PSME4: variants seen among roughly 807,000 people sequenced by gnomAD.
PSME4 encodes the protein proteasome activator complex subunit 4.
A neutral mutation model predicts 253.9 loss-of-function variants in PSME4; 89 were observed. The observed-to-expected ratio is 0.35, with a 90% CI of 0.30 to 0.42. PSME4 has a LOEUF of 0.42. Ranked by LOEUF, PSME4 falls within the 10% of genes least tolerant of loss-of-function variation. The probability of loss-of-function intolerance (pLI) is 1.00; values close to 1 mark genes in which losing one functional copy is unlikely to be tolerated. For missense variants in PSME4, 2,014 were observed against 2,195.2 expected (o/e 0.92, Z 1.65); for synonymous variants, 851 against 759.2 (o/e 1.12, Z -1.99).
intron 6 of PSME4, 149 bp from the exon 7 acceptor site, chr2:53,936,310 T>G: frequency 8.1e-7 from 1 of 1,240,678 alleles, no homozygotes. Flanking sequence ...TTTTAAAACC[T>G]CCAAATTTAA....
intron 1 of PSME4, among the ~76,000 whole-genome samples, chr2:53,966,799 A>G (rs935796883): frequency 6.6e-6 from 1 of 152,050 alleles, no homozygotes; most frequent in Non-Finnish European, 1.5e-5. Context: ...TCCCAGATTC[A>G]AGCGATTCTC....
At chr2:53,943,926 T>C (rs1312679032) in intron 3 of PSME4, among the ~76,000 whole-genome samples, 2 of 151,920 alleles carry the variant, frequency 1.3e-5, no homozygotes, top group Admixed American at 6.6e-5. Context: ...TGACTTTTCA[T>C]TAAAATTACT....
chr2:53,868,732 T>C (rs374766100), intron 44 of PSME4, among the ~76,000 whole-genome samples: 2 of 150,892 alleles, frequency 1.3e-5, no homozygotes, highest in East Asian at 3.8e-4. Flanking sequence ...AGCTTTATAT[T>C]TAAGCACTTC....
In PSME4 at chr2:53,928,122, A is replaced by T. The variant is rs909158444; in HGVS notation, c.1498T>A (p.Cys500Ser). ...ATAATCACCAATATACTCACCATGC[A>T]TTTACTAAAGTCATTTGGATCCACC... ...PGVDPNDFSK[C>S]MITFQFIATF... The change falls in exon 11 of 47, where the codon TGC becomes AGC. Residue 500 changes from cysteine to serine, a missense_variant. By Grantham distance (112) the Cys-to-Ser change is moderately radical. Around this residue, in one of 4 missense-constraint regions of PSME4, gnomAD observed 7 missense variants for 23.5 expected, o/e 0.30. Coordinates refer to ENST00000404125, the MANE Select transcript of PSME4 (RefSeq NM_014614.3). The T allele has an allele frequency of 7.4e-6, 12 of 1,613,196 alleles. No individual in the cohort carries two copies. Among genetic ancestry groups the T allele is most frequent in the Non-Finnish European group, 1.0e-5 (12 of 1,179,338 alleles).
intron 36 of PSME4, among the ~76,000 whole-genome samples, chr2:53,891,199 A>C (rs1388000696): frequency 6.6e-6 from 1 of 152,240 alleles, no homozygotes; most frequent in African/African-American, 2.4e-5. Flanking sequence ...AATCAGCCTG[A>C]GATATAATCT....
chr2:53,919,832 A>G (rs1668217826), intron 19 of PSME4, among the ~76,000 whole-genome samples: 1 of 152,186 alleles, frequency 6.6e-6, no homozygotes, highest in Non-Finnish European at 1.5e-5. Flanking sequence ...AAAATCTCAT[A>G]AAAATAATTC....
At chr2:53,900,141 C>A in intron 28 of PSME4, 124 bp from the exon 29 acceptor site, 2 of 907,788 alleles carry the variant, frequency 2.2e-6, no homozygotes, top group Non-Finnish European at 1.6e-6. Context: ...TTTACGATTC[C>A]ATTTATATGA....
At chr2:53,965,060 C>T (rs1439868094) in intron 1 of PSME4, among the ~76,000 whole-genome samples, 1 of 151,970 alleles carries the variant, frequency 6.6e-6, no homozygotes, top group East Asian at 1.9e-4. Context: ...AACCCACATA[C>T]TTCACTAAAA....
intron 14 of PSME4, among the ~76,000 whole-genome samples, chr2:53,925,130 T>C (rs908805630): frequency 1.3e-5 from 2 of 152,226 alleles, no homozygotes; most frequent in Non-Finnish European, 2.9e-5. Flanking sequence ...GGAGCCATTT[T>C]TGACATTTTT....
intron 17 of PSME4, among the ~76,000 whole-genome samples, 195 bp downstream of exon 17, chr2:53,922,322 T>C (rs1375853897): frequency 1.3e-5 from 2 of 152,202 alleles, no homozygotes; most frequent in Middle Eastern, 6.3e-3. Context: ...AGTAGATGGC[T>C]GAACATGCAG....
At position 53,927,403 on chromosome 2, in the gene PSME4, G is replaced by T. The variant is rs1668604796; in HGVS notation, c.1584C>A (p.Asp528Glu). The change falls in exon 12 of 47, where the codon GAC becomes GAA. Residue 528 changes from aspartate to glutamate, a missense_variant. By Grantham distance (45) the Asp-to-Glu change is conservative (BLOSUM62 2). Around this residue, in one of 4 missense-constraint regions of PSME4, gnomAD observed 989 missense variants for 1,021.1 expected, o/e 0.97. Coordinates refer to ENST00000404125, the MANE Select transcript of PSME4 (RefSeq NM_014614.3). ...CATAAAATACCCTTACTTCTGTGAG[G>T]TCATTTCTTTCTTGTAGTACAGATG... ...DCSSVLQERN[D>E]LTEVERELCS... 1 of 1,566,314 alleles carries T rather than the reference G, an allele frequency of 6.4e-7. No homozygotes were observed. The highest frequency in any genetic ancestry group is 8.8e-7 in the Non-Finnish European group (1 of 1,136,626).
At chr2:53,912,588 G>A (rs1667872326) in intron 20 of PSME4, among the ~76,000 whole-genome samples, 1 of 152,156 alleles carries the variant, frequency 6.6e-6, no homozygotes, top group Non-Finnish European at 1.5e-5. Flanking sequence ...AGGCTCTTGA[G>A]TAGCTGGTAC....
At chr2:53,873,241 A>AAAAAAAAAAAAT (rs1309553717) in intron 43 of PSME4, among the ~76,000 whole-genome samples, 15 of 151,312 alleles carry the variant, frequency 9.9e-5, no homozygotes, top group African/African-American at 3.2e-4. Context: ...TCCGTCTCAA[A>AAAAAAAAAAAAT]AAAAAAGAAA....
intron 1 of PSME4, among the ~76,000 whole-genome samples, chr2:53,957,393 A>C (rs1367397053): frequency 6.6e-6 from 1 of 152,184 alleles, no homozygotes; most frequent in Non-Finnish European, 1.5e-5. Flanking sequence ...TTTTCCTGCA[A>C]CTTAGATGGT....
At chr2:53,894,724 C>T (rs930719676) in intron 34 of PSME4, among the ~76,000 whole-genome samples, 16 of 151,332 alleles carry the variant, frequency 1.1e-4, no homozygotes, top group African/African-American at 3.7e-4. Flanking sequence ...TGTATCAGAA[C>T]TGATACAAGA....
At chr2:53,936,226 AC>A in intron 6 of PSME4, 65 bp from the exon 7 acceptor site, 1 of 1,594,070 alleles carries the variant, frequency 6.3e-7, no homozygotes, top group South Asian at 1.1e-5. Context: ...TCATAGTCAC[AC>A]CCCTCCTCCA....
At chr2:53,896,730 A>T in intron 32 of PSME4, 74 bp downstream of exon 32, 1 of 1,127,718 alleles carries the variant, frequency 8.9e-7, no homozygotes, top group Non-Finnish European at 1.3e-6. Flanking sequence ...GTCAAGAACT[A>T]GAATTTATAC....
intron 24 of PSME4, 190 bp downstream of exon 24, chr2:53,908,130 A>G (rs183277519): frequency 1.1e-4 from 59 of 546,020 alleles, no homozygotes; most frequent in South Asian, 7.2e-4. Context: ...AAGATTCTGT[A>G]TAAGAAAAAT....
chr2:53,896,171 T>C (rs964760943), intron 32 of PSME4, among the ~76,000 whole-genome samples: 4 of 152,210 alleles, frequency 2.6e-5, no homozygotes, highest in African/African-American at 9.6e-5. Flanking sequence ...GTATAAACTG[T>C]AGACATCATC....
Sources: gnomAD v4.1 joint callset for allele counts (sites outside exome capture counted in the v4.1 genomes callset) on GRCh38, gnomAD v4.1.1 for gene constraint, gnomAD v4.1.1 regional missense constraint, MANE v1.5 for transcripts, NCBI Gene and HGNC (gene_info 2026-07-23, HGNC 2026-07-21) for gene names.